The following CLNK variants were observed in gnomAD, a reference collection of about 807,000 sequenced individuals.
CLNK encodes the protein cytokine-dependent hematopoietic cell linker.
CLNK carries 74 observed loss-of-function variants against 68.6 expected under a neutral mutation model. That is an observed-to-expected ratio of 1.08 (90% CI 0.89 to 1.31). CLNK has a LOEUF of 1.31. Ranked by LOEUF, CLNK falls within the 50% of genes most tolerant of loss-of-function variation. The pLI is 0.00. For synonymous variants in CLNK, 198 were observed against 172.2 expected, an observed-to-expected ratio of 1.15 and a Z score of -1.17; for missense variants, 553 against 515.3, an observed-to-expected ratio of 1.07 and a Z score of -0.71.
intron 2 of CLNK, among the ~76,000 whole-genome samples, chr4:10,642,630 C>T (rs1723353660): frequency 6.6e-6 from 1 of 152,132 alleles, no homozygotes; most frequent in Admixed American, 6.5e-5. Context: ...GTCATGAAAA[C>T]TTTGCCCTGC....
chr4:10,682,376 T>C (rs529856219), intron 1 of CLNK, among the ~76,000 whole-genome samples: 1 of 152,202 alleles, frequency 6.6e-6, no homozygotes, highest in Non-Finnish European at 1.5e-5. Flanking sequence ...TCTTGGCAGA[T>C]GTTGGCAGTA....
intron 2 of CLNK, among the ~76,000 whole-genome samples, chr4:10,664,813 G>T (rs528619391): frequency 6.6e-6 from 1 of 152,220 alleles, no homozygotes; most frequent in African/African-American, 2.4e-5. Flanking sequence ...ATAAAATGTG[G>T]AGTGTACTAG....
At chr4:10,509,942 A>C (rs1458306012) in intron 16 of CLNK, among the ~76,000 whole-genome samples, 2 of 152,142 alleles carry the variant, frequency 1.3e-5, no homozygotes, top group Non-Finnish European at 2.9e-5. Context: ...CAGGCTCTAG[A>C]GACAAAGGAA....
rs114933538 is a variant in CLNK at position 10,606,812 on chromosome 4, G to T, written c.12-8763C>A. On this transcript the variant is annotated intron_variant, in intron 2 of 18. Coordinates refer to ENST00000226951, the MANE Select transcript of CLNK (RefSeq NM_052964.4). ...TCTATATATACACACACACATAGTTGATTCTGTTTTTCTATAGAGCTCTGA... is the reference window on the plus strand; with the variant it reads ...TCTATATATACACACACACATAGTTTATTCTGTTTTTCTATAGAGCTCTGA... Among the ~76,000 whole-genome samples, 594 of 152,246 alleles carry T rather than the reference G, an allele frequency of 3.9e-3. 5 individuals carry two copies. The highest frequency in any genetic ancestry group is 0.014 in the African/African-American group (571 of 41,536).
In CLNK at chr4:10,501,245, G is replaced by C. The variant is rs1417955689; in HGVS notation, c.1140+11C>G. On this transcript the variant is annotated intron_variant, in intron 18 of 18. Transcript: ENST00000226951. Reference sequence around the variant, plus strand: ...TAGCCTGGAACAGGGAGGCTGTTAAGTTATACCCACCTCATCTCCTCTGAG... The same window carrying C: ...TAGCCTGGAACAGGGAGGCTGTTAACTTATACCCACCTCATCTCCTCTGAG... 6.4e-7 allele frequency: 1 copy of C among 1,556,370 alleles called. No individual in the cohort carries two copies. The highest frequency in any genetic ancestry group is 2.4e-5 in the East Asian group (1 of 42,308).
the CLNK span, among the ~76,000 whole-genome samples, chr4:10,720,915 T>C: frequency 2.0e-5 from 3 of 151,892 alleles, no homozygotes; most frequent in Non-Finnish European, 4.4e-5. Context: ...CTGGAAACAA[T>C]GCAAGTGTCC....
At chr4:10,541,874 T>C in intron 10 of CLNK, 148 bp downstream of exon 10, 1 of 652,420 alleles carries the variant, frequency 1.5e-6, no homozygotes, top group Non-Finnish European at 2.6e-6. Flanking sequence ...GAACATCTCA[T>C]ATTAGTTTTT....
chr4:10,629,860 AAAATTAGAACCTCTCC>A lies in CLNK; in HGVS notation c.12-31827_12-31812del, dbSNP rs531911300. ...AGCCACAGTCTCTCTCAAGTTTTCC[AAAATTAGAACCTCTCC>A]AAATTTATTTTTTTCAAGGCTTCAG... is the stretch of plus-strand genomic sequence containing the variant. On this transcript the variant is annotated intron_variant, in intron 2 of 18. Coordinates refer to ENST00000226951, the MANE Select transcript of CLNK (RefSeq NM_052964.4). 7.0e-4 allele frequency among the ~76,000 whole-genome samples: 107 copies of A among 152,298 alleles called. 1 individual carries two copies. Among genetic ancestry groups the A allele is most frequent in the Non-Finnish European group, 2.1e-4 (14 of 68,024 alleles).
intron 11 of CLNK, among the ~76,000 whole-genome samples, chr4:10,539,523 T>C (rs902494233): frequency 6.6e-6 from 1 of 152,206 alleles, no homozygotes; most frequent in Non-Finnish European, 1.5e-5. Flanking sequence ...CTTCATTCTA[T>C]GCAGAAACAA....
intron 2 of CLNK, among the ~76,000 whole-genome samples, chr4:10,646,634 G>T (rs1157284912): frequency 6.6e-6 from 1 of 152,032 alleles, no homozygotes. Context: ...AGAGTGCGAC[G>T]TCCCAGCCAC....
At chr4:10,662,528 A>G (rs948464926) in intron 2 of CLNK, among the ~76,000 whole-genome samples, 9 of 152,230 alleles carry the variant, frequency 5.9e-5, no homozygotes, top group Admixed American at 3.9e-4. Flanking sequence ...ATTAGCTACA[A>G]AAACCTTTCA....
intron 1 of CLNK, among the ~76,000 whole-genome samples, chr4:10,676,745 T>TA (rs1173389900): frequency 6.6e-6 from 1 of 152,110 alleles, no homozygotes; most frequent in Admixed American, 6.6e-5. Flanking sequence ...ATAGACTTTT[T>TA]ATCCTTTTTC....
At chr4:10,600,823 A>C (rs796086006) in intron 2 of CLNK, among the ~76,000 whole-genome samples, 1 of 152,272 alleles carries the variant, frequency 6.6e-6, no homozygotes, top group African/African-American at 2.4e-5. Flanking sequence ...CACTTTCATC[A>C]TGTCTCTAGG....
rs201603422 is a variant in CLNK at position 10,490,475 on chromosome 4, G to A, written c.1279C>T (p.Pro427Ser). 1.3e-5 allele frequency: 21 copies of A among 1,613,470 alleles called. No homozygotes were observed. In the East Asian group the frequency reaches 3.8e-4, roughly 29 times the overall value. ...ATAACACAAAGACCAGGCTACAGAG[G>A]CAAGAGGTGTCTGGTGAGAGGGAGT... ...QPLPLTRHLL[P>S]L Residue 427 changes from proline (P) to serine (S), a missense_variant, in exon 19 of 19, where the codon CCT (proline) becomes TCT (serine). Physicochemically the swap from Pro to Ser is moderately conservative, Grantham distance 74. Coordinates refer to ENST00000226951, the MANE Select transcript of CLNK (RefSeq NM_052964.4).
intron 5 of CLNK, among the ~76,000 whole-genome samples, chr4:10,569,933 T>C (rs997332958): frequency 1.2e-4 from 18 of 152,172 alleles, no homozygotes; most frequent in Non-Finnish European, 2.2e-4. Flanking sequence ...CTTTTTTCTC[T>C]AGGTGATGTG....
intron 2 of CLNK, among the ~76,000 whole-genome samples, chr4:10,626,948 C>G (rs1235497079): frequency 6.6e-6 from 1 of 152,132 alleles, no homozygotes; most frequent in Non-Finnish European, 1.5e-5. Context: ...AGATTTTGTG[C>G]CACGTTTCAT....
At chr4:10,564,430 T>C (rs781064088) in intron 7 of CLNK, among the ~76,000 whole-genome samples, 2 of 152,248 alleles carry the variant, frequency 1.3e-5, no homozygotes, top group Non-Finnish European at 2.9e-5. Flanking sequence ...CTTAGCGTGA[T>C]CTCTGGCTCA....
chr4:10,703,933 C>T, the CLNK span, among the ~76,000 whole-genome samples: 1 of 152,158 alleles, frequency 6.6e-6, no homozygotes, highest in Admixed American at 6.5e-5. Context: ...TGATGTATTT[C>T]ATTATATCCT....
intron 2 of CLNK, among the ~76,000 whole-genome samples, chr4:10,636,357 C>T (rs1429436216): frequency 6.6e-6 from 1 of 151,998 alleles, no homozygotes; most frequent in Non-Finnish European, 1.5e-5. Context: ...GGCCATGTAA[C>T]GATAGAGGCA....
Sources: gnomAD v4.1 joint callset for allele counts (sites outside exome capture counted in the v4.1 genomes callset) on GRCh38, gnomAD v4.1.1 for gene constraint, MANE v1.5 for transcripts, NCBI Gene and HGNC (gene_info 2026-07-23, HGNC 2026-07-21) for gene names.